CRB1: variants seen among roughly 807,000 people sequenced by gnomAD.
The protein encoded by CRB1 is crumbs cell polarity complex component 1, also known as protein crumbs homolog 1.
Under a neutral mutation model 120.0 loss-of-function variants are expected in CRB1, and 83 were observed. The ratio of observed to expected loss-of-function variants is 0.69; its 90% CI spans 0.58 to 0.83. The LOEUF (loss-of-function observed/expected upper bound fraction) is 0.83. Ranked by LOEUF, CRB1 falls within the 40% of genes least tolerant of loss-of-function variation. The pLI is 0.00. For missense variants in CRB1, 1,699 were observed against 1,687.6 expected (o/e 1.01, Z -0.12); for synonymous variants, 625 against 612.5 (o/e 1.02, Z -0.30).
intron 2 of CRB1, among the ~76,000 whole-genome samples, chr1:197,331,722 A>G (rs1658865728): frequency 6.6e-6 from 1 of 152,134 alleles, no homozygotes; most frequent in Non-Finnish European, 1.5e-5. Flanking sequence ...AAATCAAATT[A>G]ATGTTTCATT....
At chr1:197,465,422 C>A (rs539084295) in intron 11 of CRB1, among the ~76,000 whole-genome samples, 1 of 151,874 alleles carries the variant, frequency 6.6e-6, no homozygotes, top group Non-Finnish European at 1.5e-5. Flanking sequence ...ACTTTAAAAC[C>A]TATAGACTTT....
At chr1:197,325,869 G>A (rs1658465132) in intron 1 of CRB1, among the ~76,000 whole-genome samples, 1 of 152,120 alleles carries the variant, frequency 6.6e-6, no homozygotes, top group Non-Finnish European at 1.5e-5. Context: ...GCAATAATAG[G>A]AGTTTTATCT....
At chr1:197,355,565 G>A (rs768833897) in intron 4 of CRB1, among the ~76,000 whole-genome samples, 10 of 152,174 alleles carry the variant, frequency 6.6e-5, no homozygotes, top group Middle Eastern at 3.2e-3. Flanking sequence ...GAGGCCTGGC[G>A]AGAATTCCAG....
the CRB1 span, among the ~76,000 whole-genome samples, chr1:197,218,299 G>A: frequency 6.6e-6 from 1 of 152,158 alleles, no homozygotes; most frequent in African/African-American, 2.4e-5. Flanking sequence ...TTAAATTCTA[G>A]TTGGGTTATA....
At chr1:197,408,185 G>A (rs1663518105) in intron 5 of CRB1, among the ~76,000 whole-genome samples, 1 of 152,096 alleles carries the variant, frequency 6.6e-6, no homozygotes, top group African/African-American at 2.4e-5. Context: ...AGATGTTCAA[G>A]GACAAACATG....
intron 5 of CRB1, among the ~76,000 whole-genome samples, chr1:197,372,537 C>G (rs991221331): frequency 6.6e-6 from 1 of 152,092 alleles, no homozygotes; most frequent in Non-Finnish European, 1.5e-5. Flanking sequence ...CTTGCAGCTC[C>G]CATTGCCATT....
intron 9 of CRB1, 61 bp downstream of exon 9, chr1:197,435,673 G>A (rs1278423816): frequency 6.9e-6 from 10 of 1,441,002 alleles, no homozygotes; most frequent in Middle Eastern, 1.7e-4. Flanking sequence ...CACTGTTCTT[G>A]TCAAATTGGA....
At chr1:197,208,145 C>A in the CRB1 span, among the ~76,000 whole-genome samples, 2 of 151,902 alleles carry the variant, frequency 1.3e-5, no homozygotes, top group Non-Finnish European at 2.9e-5. Flanking sequence ...TTTTATAATT[C>A]ACTAAGTTGG....
chr1:197,268,605 G>GTT, intron 1 of CRB1, 123 bp downstream of exon 1: 18 of 665,854 alleles, frequency 2.7e-5, no homozygotes, highest in African/African-American at 3.8e-5. Flanking sequence ...GTTTTTATTT[G>GTT]TTTTTTTTTT....
intron 8 of CRB1, among the ~76,000 whole-genome samples, chr1:197,431,980 A>T (rs1402995852): frequency 6.6e-6 from 1 of 152,164 alleles, no homozygotes; most frequent in Non-Finnish European, 1.5e-5. Context: ...TAATGGAACA[A>T]GATACTCTTG....
At chr1:197,361,044 T>C (rs554108950) in intron 5 of CRB1, among the ~76,000 whole-genome samples, 19 of 152,342 alleles carry the variant, frequency 1.2e-4, no homozygotes, top group African/African-American at 3.6e-4. Context: ...CCTATTGATG[T>C]GGTAGATTGC....
intron 1 of CRB1, chr1:197,304,364 C>T (rs990133261): frequency 4.1e-6 from 4 of 974,784 alleles, no homozygotes; most frequent in African/African-American, 1.7e-5. Context: ...TGTTTTTCCA[C>T]ATCTAGGGAG....
At chr1:197,207,714 A>G in the CRB1 span, among the ~76,000 whole-genome samples, 1 of 152,136 alleles carries the variant, frequency 6.6e-6, no homozygotes, top group Non-Finnish European at 1.5e-5. Context: ...TCTTTTTGCA[A>G]TAAATTTCCC....
chr1:197,412,606 C>G (rs576149348), intron 5 of CRB1, among the ~76,000 whole-genome samples: 9 of 152,210 alleles, frequency 5.9e-5, no homozygotes, highest in African/African-American at 2.2e-4. Context: ...CTCCTTCTTA[C>G]ACCACCTTCA....
At chr1:197,239,715 G>GT in the CRB1 span, among the ~76,000 whole-genome samples, 129 of 146,986 alleles carry the variant, frequency 8.8e-4, 1 homozygote, top group Middle Eastern at 7.5e-3. Context: ...AACATCTGTA[G>GT]TTTTTTTTTT....
At chr1:197,384,945 A>G (rs1474332597) in intron 5 of CRB1, among the ~76,000 whole-genome samples, 1 of 152,182 alleles carries the variant, frequency 6.6e-6, no homozygotes, top group Admixed American at 6.6e-5. Flanking sequence ...CATTAAAGGT[A>G]GAGAGACTTT....
intron 11 of CRB1, among the ~76,000 whole-genome samples, chr1:197,453,758 TTCC>T (rs1178106671): frequency 4.8e-5 from 7 of 145,112 alleles, no homozygotes; most frequent in African/African-American, 1.8e-4. Context: ...CTTCTTCTAC[TTCC>T]TCTTCTTCTT....
chr1:197,339,752 A>G (rs1369339308), intron 2 of CRB1, among the ~76,000 whole-genome samples: 4 of 152,194 alleles, frequency 2.6e-5, no homozygotes, highest in African/African-American at 7.2e-5. Flanking sequence ...GAAAGATGCC[A>G]ATTGGAGTGC....
At chr1:197,441,882 C>A (rs1053950754) in intron 10 of CRB1, 5 of 424,306 alleles carry the variant, frequency 1.2e-5, no homozygotes, top group Non-Finnish European at 2.2e-5. Context: ...GTAGGCATGG[C>A]CCACTTTTCT....
Sources: allele counts gnomAD v4.1 joint callset (sites outside exome capture counted in the v4.1 genomes callset), GRCh38; gene constraint gnomAD v4.1.1; transcripts MANE v1.5; gene names NCBI Gene and HGNC (gene_info 2026-07-23, HGNC 2026-07-21).